Variants in COBLL1 observed in about 807,000 individuals in gnomAD.
COBLL1 encodes cordon-bleu WH2 repeat protein like 1.
Under a neutral mutation model 94.8 loss-of-function variants are expected in COBLL1, and 50 were observed. The ratio of observed to expected loss-of-function variants is 0.53; its 90% confidence interval spans 0.42 to 0.67. COBLL1 has a LOEUF of 0.67. Ranked by LOEUF, COBLL1 falls within the 30% of genes least tolerant of loss-of-function variation. COBLL1 has a pLI of 0.00. For missense variants in COBLL1, 1,362 were observed against 1,348.7 expected (o/e 1.01, Z -0.15); for synonymous variants, 448 against 473.8 (o/e 0.95, Z 0.71).
rs569714695 is a variant in COBLL1, at chr2:164,814,183, C to T, written c.41+26973G>A. 3.5e-4 allele frequency among the ~76,000 whole-genome samples: 54 copies of T among 152,272 alleles called. 1 individual carries two copies. In the South Asian group the frequency reaches 0.011, roughly 32 times the overall value. On this transcript the variant is annotated intron_variant, in intron 2 of 13. Coordinates refer to ENST00000652658, the MANE Select transcript of COBLL1 (RefSeq NM_001365672.2). ...ACTTTGTAGAAGCTGCTTCATTTCT[C>T]ATTGTCTCTTTGGTTCCCCTCTACC...
At chr2:164,802,187 T>G (rs1369099794) in intron 2 of COBLL1, among the ~76,000 whole-genome samples, 1 of 152,198 alleles carries the variant, frequency 6.6e-6, no homozygotes, top group Non-Finnish European at 1.5e-5. Context: ...AAAAGTGTAT[T>G]TGTAGAGAAA....
intron 2 of COBLL1, among the ~76,000 whole-genome samples, chr2:164,797,941 A>T (rs1203101920): frequency 2.0e-5 from 3 of 152,250 alleles, no homozygotes; most frequent in Admixed American, 6.5e-5. Context: ...ACATCATTAC[A>T]CTAAGCCAGA....
chr2:164,824,154 G>T (rs1196783294), intron 2 of COBLL1, among the ~76,000 whole-genome samples: 1 of 152,164 alleles, frequency 6.6e-6, no homozygotes, highest in Non-Finnish European at 1.5e-5. Flanking sequence ...GGCCAAGGCT[G>T]GTGGATCACC....
intron 2 of COBLL1, among the ~76,000 whole-genome samples, chr2:164,783,681 C>A (rs1443276810): frequency 6.6e-6 from 1 of 151,934 alleles, no homozygotes; most frequent in Non-Finnish European, 1.5e-5. Flanking sequence ...AAAACCATCA[C>A]ACTGGCCAGG....
intron 9 of COBLL1, among the ~76,000 whole-genome samples, chr2:164,702,481 G>A (rs902854569): frequency 1.4e-5 from 2 of 147,956 alleles, no homozygotes; most frequent in East Asian, 2.0e-4. Context: ...GGAGAATGGC[G>A]TGAACCCAGG....
At chr2:164,822,523 G>A (rs748406672) in intron 2 of COBLL1, among the ~76,000 whole-genome samples, 1 of 152,058 alleles carries the variant, frequency 6.6e-6, no homozygotes, top group Non-Finnish European at 1.5e-5. Flanking sequence ...TGCCCCTGAC[G>A]AAGGTAGTAT....
intron 2 of COBLL1, among the ~76,000 whole-genome samples, chr2:164,808,869 A>G (rs1195895997): frequency 2.0e-5 from 3 of 152,198 alleles, no homozygotes; most frequent in African/African-American, 4.8e-5. Context: ...AACCAGAAAT[A>G]GCTGGTATGT....
chr2:164,763,689 C>T (rs1687801665), intron 2 of COBLL1, among the ~76,000 whole-genome samples: 1 of 152,042 alleles, frequency 6.6e-6, no homozygotes, highest in South Asian at 2.1e-4. Context: ...AATATATTAT[C>T]AAATGACATA....
chr2:164,695,593 T>C lies in COBLL1; in HGVS notation c.1799A>G (p.Lys600Arg). The C allele has an allele frequency of 6.2e-7, 1 of 1,613,936 alleles. No individual in the cohort carries two copies. The highest frequency in any genetic ancestry group is 8.5e-7 in the Non-Finnish European group (1 of 1,179,914). The stretch of plus-strand genomic sequence containing the variant: ...AGGGGTTGTCTGAATTGCTGCATCT[T>C]TTGTCTTTTCTGCACTGGGTTGATT... The part of the protein sequence containing the change: ...KLNQPSAEKT[K>R]DAAIQTTPSC... The change falls in exon 12 of 14, where the codon AAA becomes AGA. Residue 600 changes from lysine to arginine, a missense_variant. Transcript: ENST00000652658.
chr2:164,662,771 A>G (rs1431157041), intron 2 of COBLL1, among the ~76,000 whole-genome samples: 1 of 152,044 alleles, frequency 6.6e-6, no homozygotes, highest in African/African-American at 2.4e-5. Context: ...AACTCCCCTC[A>G]CATTCTCTCT....
downstream of COBLL1, among the ~76,000 whole-genome samples, chr2:164,675,429 C>T (rs950654594): frequency 6.6e-6 from 1 of 152,122 alleles, no homozygotes; most frequent in Non-Finnish European, 1.5e-5. Context: ...GCTTGAGGCA[C>T]AGATTTTAAA....
rs1277887187 is a variant in COBLL1 at position 164,841,305 on chromosome 2, G to A, written c.-50-59C>T. 8.2e-7 allele frequency: 1 copy of A among 1,213,726 alleles called. No individual in the cohort carries two copies. The highest frequency in any genetic ancestry group is 4.3e-5 in the Admixed American group (1 of 23,020). 75.2% of individuals were successfully genotyped at this position (1,213,726 alleles called of 1,614,324 possible). ...ACGCGCGCCTTCCCGAGGCCGGAGC[G>A]AAGCTGGCTGAGCGTCAAGAGCCCG... is the stretch of plus-strand genomic sequence containing the variant. On this transcript the variant is annotated intron_variant, in intron 1 of 13. Coordinates refer to ENST00000652658, the MANE Select transcript of COBLL1 (RefSeq NM_001365672.2). This position sits in a 1 kb window ranked among gnomAD's most constrained non-coding sequence, Gnocchi z 5.5.
Position 164,841,815 on chromosome 2 carries a change from G to A in COBLL1, c.-156C>T, listed in dbSNP as rs750178894. The A allele has an allele frequency of 1.6e-6, 1 of 622,376 alleles. No homozygotes were observed. Among genetic ancestry groups the A allele is most frequent in the East Asian group, 3.1e-5 (1 of 32,026 alleles). 38.6% of individuals were successfully genotyped at this position (622,376 alleles called of 1,614,324 possible). A position where few individuals can be genotyped will look rare whatever the true frequency, so the allele number is the denominator to read the frequency against. ...TCTTGCCGCTCGGCTCTCAAGCCAG[G>A]ACTTGAATGGAGAAGCGGCAACCCC... On this transcript the variant is annotated 5_prime_UTR_variant, in exon 1 of 14. Coordinates refer to ENST00000652658, the MANE Select transcript of COBLL1 (RefSeq NM_001365672.2). The surrounding 1 kb of genome is among the most constrained non-coding windows in gnomAD (Gnocchi z 5.5).
At chr2:164,678,639 A>G (rs1682906565), downstream of COBLL1, among the ~76,000 whole-genome samples, 1 of 152,230 alleles carries the variant, frequency 6.6e-6, no homozygotes, top group African/African-American at 2.4e-5. Flanking sequence ...AGACAATTTA[A>G]ATAAACAATA....
At chr2:164,798,627 G>T (rs530962967) in intron 2 of COBLL1, among the ~76,000 whole-genome samples, 41 of 152,138 alleles carry the variant, frequency 2.7e-4, no homozygotes, top group African/African-American at 7.7e-4. Flanking sequence ...CAATACTCAG[G>T]GGGACTATCT....
chr2:164,782,737 T>C (rs938092102), intron 2 of COBLL1, among the ~76,000 whole-genome samples: 6 of 152,170 alleles, frequency 3.9e-5, no homozygotes, highest in Non-Finnish European at 7.3e-5. Flanking sequence ...GTTATTAATA[T>C]AACAAGTAGA....
At chr2:164,675,794 A>G (rs1691325948), downstream of COBLL1, among the ~76,000 whole-genome samples, 1 of 152,108 alleles carries the variant, frequency 6.6e-6, no homozygotes, top group Non-Finnish European at 1.5e-5. Context: ...TCTTTATGGT[A>G]GGAGAATAGA....
At chr2:164,723,347 TACAA>T (rs996403641) in intron 5 of COBLL1, 2 of 152,196 alleles carry the variant, frequency 1.3e-5, no homozygotes, top group African/African-American at 4.8e-5. Context: ...CTGAAGGGCC[TACAA>T]ACAATGACAC....
rs577408930 is a variant in COBLL1, at chr2:164,774,742, T to C, written c.42-30867A>G. ...CACAACAAACATTTTTAAGAAGGTG[T>C]TCATAAGAATGAGTCTAGAGCGTTA... On this transcript the variant is annotated intron_variant, in intron 2 of 13. Coordinates refer to ENST00000652658, the MANE Select transcript of COBLL1 (RefSeq NM_001365672.2). Among the ~76,000 whole-genome samples, 4 of 152,236 alleles carry C rather than the reference T, an allele frequency of 2.6e-5. No homozygotes were observed. The South Asian group carries it at 8.3e-4, about 32-fold the overall frequency.
Sources: allele counts gnomAD v4.1 joint callset (sites outside exome capture counted in the v4.1 genomes callset), GRCh38; gene constraint gnomAD v4.1.1; non-coding constraint Gnocchi (gnomAD v3.1); transcripts MANE v1.5; gene names NCBI Gene and HGNC (gene_info 2026-07-23, HGNC 2026-07-21).